Variants in CCSER1 observed in about 807,000 individuals in gnomAD.
CCSER1 encodes the protein coiled-coil serine rich protein 1, also known as serine-rich coiled-coil domain-containing protein 1.
Under a neutral mutation model 82.0 loss-of-function variants are expected in CCSER1, and 41 were observed. The observed-to-expected ratio is 0.50, with a 90% CI of 0.39 to 0.65. The LOEUF (loss-of-function observed/expected upper bound fraction) is 0.65. Among genes scored for constraint, CCSER1 ranks in the 30% least tolerant of loss-of-function variants. The pLI is 0.00. For synonymous variants in CCSER1, 414 were observed against 383.9 expected (o/e 1.08, Z -0.92); for missense variants, 1,119 against 1,064.2 (o/e 1.05, Z -0.72).
At position 90,654,795 on chromosome 4, in the gene CCSER1, ATGAG is replaced by A. The variant is rs540365193; in HGVS notation, c.1932+26566_1932+26569del. Among the ~76,000 whole-genome samples the A allele has an allele frequency of 1.5e-4, 23 of 152,182 alleles. 1 individual carries two copies. In the South Asian group the frequency reaches 4.8e-3, roughly 32 times the overall value. The stretch of plus-strand genomic sequence containing the variant: ...GCCCCACAGTAGTATAAGTATAAGA[ATGAG>A]TGTGATGTTTTTGCCAGAAAAGAAG... On this transcript the variant is annotated intron_variant, in intron 6 of 10. Coordinates refer to ENST00000509176, the MANE Select transcript of CCSER1 (RefSeq NM_001145065.2).
chr4:91,340,433 C>A (rs1212928358), intron 10 of CCSER1, among the ~76,000 whole-genome samples: 1 of 152,048 alleles, frequency 6.6e-6, no homozygotes, highest in African/African-American at 2.4e-5. Flanking sequence ...GGATATAATT[C>A]CATGAAGAAT....
chr4:90,447,527 A>G (rs1208746510), intron 4 of CCSER1, among the ~76,000 whole-genome samples: 7 of 152,226 alleles, frequency 4.6e-5, no homozygotes, highest in African/African-American at 1.7e-4. Context: ...TATGGACTCA[A>G]TAGTAGTTTT....
intron 9 of CCSER1, among the ~76,000 whole-genome samples, chr4:90,929,087 A>T (rs1175161724): frequency 6.6e-6 from 1 of 152,016 alleles, no homozygotes; most frequent in African/African-American, 2.4e-5. Flanking sequence ...TTTTCCCTGA[A>T]CACTATTCTT....
At chr4:91,505,861 T>G (rs527720105) in intron 10 of CCSER1, among the ~76,000 whole-genome samples, 1 of 152,344 alleles carries the variant, frequency 6.6e-6, no homozygotes, top group African/African-American at 2.4e-5. Context: ...ATGGATAGAT[T>G]GCAGAAAGTT....
chr4:90,551,706 C>CTCTCTCTCTCTA, intron 5 of CCSER1, among the ~76,000 whole-genome samples: 1,410 of 104,148 alleles, frequency 0.014, 14 homozygotes, highest in African/African-American at 0.021. Context: ...CTCTCTCTCT[C>CTCTCTCTCTCTA]TATATATATA....
At chr4:90,578,833 A>C (rs1166821598) in intron 5 of CCSER1, among the ~76,000 whole-genome samples, 1 of 152,164 alleles carries the variant, frequency 6.6e-6, no homozygotes, top group Non-Finnish European at 1.5e-5. Context: ...AATATTTATT[A>C]AGTAATTAAT....
intron 6 of CCSER1, among the ~76,000 whole-genome samples, chr4:90,711,608 G>A (rs1027251578): frequency 1.3e-5 from 2 of 151,882 alleles, no homozygotes; most frequent in African/African-American, 2.4e-5. Context: ...TTTCACTTTT[G>A]TTCTGTTTAT....
intron 1 of CCSER1, among the ~76,000 whole-genome samples, chr4:90,234,862 A>C (rs965654805): frequency 1.4e-4 from 21 of 152,202 alleles, no homozygotes; most frequent in African/African-American, 5.1e-4. Flanking sequence ...GTTTTAACCC[A>C]GTTATGGCTG....
At chr4:91,196,336 C>T (rs1288868033) in intron 10 of CCSER1, among the ~76,000 whole-genome samples, 1 of 152,068 alleles carries the variant, frequency 6.6e-6, no homozygotes, top group African/African-American at 2.4e-5. Context: ...ACTTAAGAGA[C>T]ACTCTTCTTG....
chr4:90,139,676 G>A lies in CCSER1; in HGVS notation c.-42+11845G>A, dbSNP rs571041298. On this transcript the variant is annotated intron_variant, in intron 1 of 10. Coordinates refer to ENST00000509176, the MANE Select transcript of CCSER1 (RefSeq NM_001145065.2). ...GTGTAAAAGTATGAAAATGAAGCTC[G>A]GTGCAGTGGCTCATGCCTGTAATCC... is the stretch of plus-strand genomic sequence containing the variant. Among the ~76,000 whole-genome samples the A allele has an allele frequency of 1.6e-4, 25 of 152,214 alleles. No homozygotes were observed. The South Asian group carries it at 4.4e-3, about 27-fold the overall frequency.
At chr4:90,926,038 A>G (rs960031427) in intron 9 of CCSER1, among the ~76,000 whole-genome samples, 27 of 152,058 alleles carry the variant, frequency 1.8e-4, no homozygotes, top group Non-Finnish European at 3.1e-4. Flanking sequence ...CTGGAAATAT[A>G]TGATTCATAA....
intron 3 of CCSER1, among the ~76,000 whole-genome samples, chr4:90,359,444 A>C (rs1271631239): frequency 1.3e-5 from 2 of 152,080 alleles, no homozygotes; most frequent in African/African-American, 4.8e-5. Context: ...AGAGTACATA[A>C]AATCAGTCCT....
intron 10 of CCSER1, among the ~76,000 whole-genome samples, chr4:91,347,661 G>T (rs1435946106): frequency 6.6e-6 from 1 of 151,422 alleles, no homozygotes; most frequent in Non-Finnish European, 1.5e-5. Context: ...GAATATTGTA[G>T]TTTTTCTCAT....
At chr4:90,342,802 C>T (rs1741641156) in intron 3 of CCSER1, among the ~76,000 whole-genome samples, 1 of 151,582 alleles carries the variant, frequency 6.6e-6, no homozygotes, top group Non-Finnish European at 1.5e-5. Context: ...CATCGGTGGA[C>T]TTCATCCTCT....
chr4:90,822,616 C>G (rs56712335), intron 8 of CCSER1, among the ~76,000 whole-genome samples: 3 of 151,154 alleles, frequency 2.0e-5, no homozygotes, highest in South Asian at 2.1e-4. Context: ...TAATCCCAGC[C>G]ACTCCCGAGG....
intron 9 of CCSER1, among the ~76,000 whole-genome samples, chr4:90,949,786 T>C (rs901050925): frequency 2.0e-5 from 3 of 152,082 alleles, no homozygotes; most frequent in African/African-American, 7.2e-5. Flanking sequence ...TAGCAGACTC[T>C]AGAATTATCC....
intron 8 of CCSER1, among the ~76,000 whole-genome samples, chr4:90,841,738 G>C (rs1225898335): frequency 1.3e-5 from 2 of 152,120 alleles, no homozygotes; most frequent in Non-Finnish European, 2.9e-5. Flanking sequence ...AAGCTAGGTT[G>C]AATCTTTTCA....
chr4:90,476,035 T>G (rs1765043272), intron 5 of CCSER1, among the ~76,000 whole-genome samples: 1 of 148,366 alleles, frequency 6.7e-6, no homozygotes, highest in African/African-American at 2.6e-5. Flanking sequence ...TGTGTGTGTG[T>G]GTGTGTGTGT....
At chr4:91,003,041 G>A (rs1180180827) in intron 9 of CCSER1, among the ~76,000 whole-genome samples, 3 of 152,154 alleles carry the variant, frequency 2.0e-5, no homozygotes, top group African/African-American at 7.2e-5. Flanking sequence ...CACCCAGTAG[G>A]TCTACCAGGC....
Sources: gnomAD v4.1 joint callset for allele counts (sites outside exome capture counted in the v4.1 genomes callset) on GRCh38, gnomAD v4.1.1 for gene constraint, MANE v1.5 for transcripts, NCBI Gene and HGNC (gene_info 2026-07-23, HGNC 2026-07-21) for gene names.